Variants in DNM3 observed in about 807,000 individuals in gnomAD.
The protein encoded by DNM3 is dynamin 3.
DNM3 carries 47 observed loss-of-function variants against 101.6 expected under a neutral mutation model. That is an observed-to-expected ratio of 0.46 (90% confidence interval 0.37 to 0.59). The LOEUF is 0.59. Among genes scored for constraint, DNM3 ranks in the 20% least tolerant of loss-of-function variants. The pLI, the probability that DNM3 is intolerant of heterozygous loss-of-function variation, is 0.00. For missense variants in DNM3, 849 were observed against 1,085.7 expected (o/e 0.78, Z 3.06); for synonymous variants, 385 against 387.9 (o/e 0.99, Z 0.09).
intron 14 of DNM3, chr1:172,133,526 A>G: frequency 2.6e-6 from 2 of 768,810 alleles, no homozygotes; most frequent in Non-Finnish European, 3.2e-6. Flanking sequence ...AATTCTAGGA[A>G]AGGGTAGTTT....
intron 2 of DNM3, among the ~76,000 whole-genome samples, chr1:171,972,536 A>C (rs374403067): frequency 6.6e-6 from 1 of 152,206 alleles, no homozygotes; most frequent in African/African-American, 2.4e-5. Context: ...TGCAGAAGGC[A>C]GTATGCGAGG....
intron 15 of DNM3, among the ~76,000 whole-genome samples, chr1:172,261,527 G>A (rs1573188511): frequency 6.6e-6 from 1 of 152,258 alleles, no homozygotes; most frequent in South Asian, 2.1e-4. Context: ...TGGTGCTGGT[G>A]TTGGTGGGTC....
intron 10 of DNM3, among the ~76,000 whole-genome samples, chr1:172,065,577 T>G (rs1572349021): frequency 6.6e-6 from 1 of 152,142 alleles, no homozygotes; most frequent in African/African-American, 2.4e-5. Flanking sequence ...ATAATAGAGC[T>G]TTTTCTGGAG....
At chr1:172,340,101 T>G (rs1235309710) in intron 17 of DNM3, among the ~76,000 whole-genome samples, 2 of 152,234 alleles carry the variant, frequency 1.3e-5, no homozygotes, top group East Asian at 3.9e-4. Context: ...CCAGAAGTAG[T>G]ACTAGTTAAG....
intron 13 of DNM3, among the ~76,000 whole-genome samples, chr1:172,126,636 A>G (rs779568089): frequency 6.6e-6 from 1 of 152,190 alleles, no homozygotes; most frequent in Non-Finnish European, 1.5e-5. Flanking sequence ...TAATGGTGCC[A>G]GTAAGATCAG....
chr1:171,843,343 T>C (rs1206360016), intron 1 of DNM3, among the ~76,000 whole-genome samples: 2 of 152,204 alleles, frequency 1.3e-5, no homozygotes, highest in Admixed American at 1.3e-4. Flanking sequence ...CTTAGACTTT[T>C]GGTGAAGTGA....
At chr1:172,186,713 G>T (rs1230591495) in intron 14 of DNM3, among the ~76,000 whole-genome samples, 1 of 152,090 alleles carries the variant, frequency 6.6e-6, no homozygotes, top group Non-Finnish European at 1.5e-5. Context: ...AAAGTTTTGA[G>T]AGCATCATTT....
At chr1:171,913,431 A>G (rs2039459842) in intron 1 of DNM3, among the ~76,000 whole-genome samples, 1 of 152,254 alleles carries the variant, frequency 6.6e-6, no homozygotes, top group Non-Finnish European at 1.5e-5. Flanking sequence ...TTCTTAATAT[A>G]TGCCAATAAT....
chr1:171,996,102 A>G (rs2045978328), intron 4 of DNM3, among the ~76,000 whole-genome samples: 1 of 152,170 alleles, frequency 6.6e-6, no homozygotes, highest in Non-Finnish European at 1.5e-5. Context: ...TATATTTTAT[A>G]TTAAGTTTCA....
At chr1:172,305,866 C>T (rs1350056795) in intron 15 of DNM3, among the ~76,000 whole-genome samples, 3 of 152,116 alleles carry the variant, frequency 2.0e-5, no homozygotes, top group African/African-American at 7.2e-5. Flanking sequence ...TAACTAGGTA[C>T]TGATGGAATG....
At chr1:172,221,549 T>C (rs114950333) in intron 14 of DNM3, among the ~76,000 whole-genome samples, 1 of 152,234 alleles carries the variant, frequency 6.6e-6, no homozygotes, top group African/African-American at 2.4e-5. Context: ...GTAAAGGAAT[T>C]CCTACATTTT....
At chr1:172,044,315 T>C in intron 8 of DNM3, 70 bp from the exon 9 acceptor site, 2 of 1,310,520 alleles carry the variant, frequency 1.5e-6, no homozygotes, top group Non-Finnish European at 2.1e-6. Context: ...GTTATTCTCA[T>C]TCTGTAATGT....
At chr1:172,064,289 C>T (rs1031541668) in intron 10 of DNM3, among the ~76,000 whole-genome samples, 4 of 151,976 alleles carry the variant, frequency 2.6e-5, no homozygotes, top group Non-Finnish European at 5.9e-5. Flanking sequence ...AATAAGAACT[C>T]CCATATTCTT....
chr1:172,296,230 G>T (rs976698168), intron 15 of DNM3, among the ~76,000 whole-genome samples: 4 of 152,192 alleles, frequency 2.6e-5, no homozygotes, highest in Non-Finnish European at 2.9e-5. Flanking sequence ...TTATTAGAGG[G>T]GTTGGAGCAG....
chr1:172,011,120 G>A (rs1248172193), intron 4 of DNM3, among the ~76,000 whole-genome samples: 1 of 151,762 alleles, frequency 6.6e-6, no homozygotes, highest in Non-Finnish European at 1.5e-5. Flanking sequence ...ATTTATTAAA[G>A]AATAGGTCCA....
At chr1:171,959,012 A>G (rs1266399469) in intron 2 of DNM3, among the ~76,000 whole-genome samples, 4 of 152,208 alleles carry the variant, frequency 2.6e-5, no homozygotes, top group Non-Finnish European at 5.9e-5. Context: ...TCCCAAATGA[A>G]TGACTTCATT....
At chr1:171,890,806 CAAAA>C (rs1285605925) in intron 1 of DNM3, among the ~76,000 whole-genome samples, 2 of 151,968 alleles carry the variant, frequency 1.3e-5, no homozygotes, top group Non-Finnish European at 2.9e-5. Context: ...CAGCAAAAAA[CAAAA>C]CAAACAAACA....
intron 14 of DNM3, among the ~76,000 whole-genome samples, chr1:172,246,968 T>C (rs2061977929): frequency 6.6e-6 from 1 of 152,198 alleles, no homozygotes; most frequent in Admixed American, 6.5e-5. Flanking sequence ...TTATTATCTC[T>C]TGAGCAACAA....
At chr1:172,316,718 G>A (rs1433778128) in intron 16 of DNM3, among the ~76,000 whole-genome samples, 1 of 151,956 alleles carries the variant, frequency 6.6e-6, no homozygotes, top group African/African-American at 2.4e-5. Flanking sequence ...ACCCAATACA[G>A]GAGCACCCAG....
Sources: gnomAD v4.1 joint callset for allele counts (sites outside exome capture counted in the v4.1 genomes callset) on GRCh38, gnomAD v4.1.1 for gene constraint, MANE v1.5 for transcripts, NCBI Gene and HGNC (gene_info 2026-07-23, HGNC 2026-07-21) for gene names.